TSHR: variants seen among roughly 807,000 people sequenced by gnomAD.
TSHR encodes the protein thyrotropin receptor.
A neutral mutation model predicts 64.1 loss-of-function variants in TSHR; 51 were observed. The observed-to-expected ratio is 0.80, with a 90% CI of 0.64 to 1.01. The LOEUF is 1.01. Among genes scored for constraint, TSHR ranks in the 50% least tolerant of loss-of-function variants. TSHR has a pLI of 0.00. For synonymous variants in TSHR, 361 were observed against 361.9 expected (o/e 1.00, Z 0.03); for missense variants, 877 against 942.8 (o/e 0.93, Z 0.91).
At chr14:81,110,390 C>T (rs922432862) in intron 8 of TSHR, among the ~76,000 whole-genome samples, 3 of 152,134 alleles carry the variant, frequency 2.0e-5, no homozygotes, top group Non-Finnish European at 2.9e-5. Context: ...CAGGGATGGG[C>T]GCTCACAGAG....
Position 81,038,265 on chromosome 14 carries a change from A to T in TSHR, c.171-23883A>T, listed in dbSNP as rs114259234. Among the ~76,000 whole-genome samples, 1,390 of 152,176 alleles carry T rather than the reference A, an allele frequency of 9.1e-3. 25 individuals carry two copies. The highest frequency in any genetic ancestry group is 0.032 in the African/African-American group (1,330 of 41,562). On this transcript the variant is annotated intron_variant, in intron 1 of 9. Transcript: ENST00000298171. Reference sequence around the variant, plus strand: ...GCCAATCAAAATATTTAAAATGAAAATTTAAAATTTCTTGAAACAAATGAA... The same window carrying T: ...GCCAATCAAAATATTTAAAATGAAATTTTAAAATTTCTTGAAACAAATGAA...
rs868408870 is a variant in TSHR at position 81,001,516 on chromosome 14, T to C, written c.170+45666T>C. ...AGTTCGGCATTTCTCTCAGCATTTATAAACATGTGCAGCAAAAATTCAGCA... is the reference window on the plus strand; with the variant it reads ...AGTTCGGCATTTCTCTCAGCATTTACAAACATGTGCAGCAAAAATTCAGCA... On this transcript the variant is annotated intron_variant, in intron 1 of 9. Coordinates refer to ENST00000298171, the MANE Select transcript of TSHR (RefSeq NM_000369.5). The C allele has an allele frequency of 3.3e-4, 171 of 519,872 alleles. 1 individual carries two copies. Among genetic ancestry groups the C allele is most frequent in the African/African-American group, 3.2e-3 (161 of 50,966 alleles). 32.2% of individuals were successfully genotyped at this position (519,872 alleles called of 1,614,324 possible).
chr14:81,134,528 T>C (rs753047091), intron 8 of TSHR, among the ~76,000 whole-genome samples: 1 of 152,168 alleles, frequency 6.6e-6, no homozygotes, highest in African/African-American at 2.4e-5. Context: ...GAGTCTTCTG[T>C]TGGCTAAACA....
chr14:81,053,898 C>G (rs1397460234), intron 1 of TSHR: 1 of 152,108 alleles, frequency 6.6e-6, no homozygotes, highest in African/African-American at 2.4e-5. Flanking sequence ...AGATTTGTCT[C>G]AGAAACATTA....
chr14:81,039,833 G>T (rs2139842415), intron 1 of TSHR, among the ~76,000 whole-genome samples: 1 of 151,864 alleles, frequency 6.6e-6, no homozygotes, highest in South Asian at 2.1e-4. Flanking sequence ...ACAAGTAAAT[G>T]GATAAAGATA....
rs372352603 is a variant in TSHR at position 80,961,266 on chromosome 14, G to A, written c.170+5416G>A. On this transcript the variant is annotated intron_variant, in intron 1 of 9. Transcript: ENST00000298171. ...ACTTAATGGAGAACACCACCAACAC[G>A]TCCCTGTCTGCAGGGATCTTACAGT... Among the ~76,000 whole-genome samples the A allele has an allele frequency of 2.8e-4, 29 of 103,396 alleles. No homozygotes were observed. The East Asian group carries it at 0.013, about 46-fold the overall frequency. 67.8% of individuals were successfully genotyped at this position (103,396 alleles called of 152,430 possible).
intron 1 of TSHR, among the ~76,000 whole-genome samples, chr14:81,017,510 C>G (rs1883478889): frequency 6.6e-6 from 1 of 152,110 alleles, no homozygotes; most frequent in South Asian, 2.1e-4. Context: ...TCTTATTTCT[C>G]AAAACGTGGC....
rs552006640 is a variant in TSHR at position 81,121,717 on chromosome 14, G to A, written c.692+13265G>A. Reference sequence around the variant, plus strand: ...AGCACTCTGGAAGACAGAAGCAGGCGGATCACTTGAGGTCGGGAGTTTGAG... The same window carrying A: ...AGCACTCTGGAAGACAGAAGCAGGCAGATCACTTGAGGTCGGGAGTTTGAG... On this transcript the variant is annotated intron_variant, in intron 8 of 9. Coordinates refer to ENST00000298171, the MANE Select transcript of TSHR (RefSeq NM_000369.5). Among the ~76,000 whole-genome samples the A allele has an allele frequency of 5.3e-5, 8 of 152,194 alleles. No individual in the cohort carries two copies. The South Asian group carries it at 6.2e-4, about 12-fold the overall frequency.
At chr14:80,996,570 C>T (rs992952678) in intron 1 of TSHR, among the ~76,000 whole-genome samples, 1 of 140,294 alleles carries the variant, frequency 7.1e-6, no homozygotes, top group Non-Finnish European at 1.5e-5. Context: ...GGACGAAGAA[C>T]TCCCGCACAT....
chr14:81,060,462 T>C (rs1001495930), intron 1 of TSHR, among the ~76,000 whole-genome samples: 4 of 152,248 alleles, frequency 2.6e-5, no homozygotes, highest in South Asian at 2.1e-4. Context: ...TAAGGCAACA[T>C]TGGGCTTCAT....
rs371995669 is a variant in TSHR, at chr14:81,143,314, T to C, written c.1256T>C (p.Ile419Thr). The C allele has an allele frequency of 6.2e-7, 1 of 1,614,196 alleles. No homozygotes were observed. The highest frequency in any genetic ancestry group is 1.1e-5 in the South Asian group (1 of 91,074). The change falls in exon 10 of 10, where the codon ATT becomes ACT. Residue 419 changes from isoleucine (I) to threonine (T), a missense_variant. Physicochemically the swap from Ile to Thr is moderately conservative, Grantham distance 89. Coordinates refer to ENST00000298171, the MANE Select transcript of TSHR (RefSeq NM_000369.5). ...EDIMGYKFLRIVVWFVSLLAL... is the reference protein window; with the variant it reads ...EDIMGYKFLRTVVWFVSLLAL... ...ATAATGGGCTACAAGTTCCTGAGAA[T>C]TGTGGTGTGGTTCGTTAGTCTGCTG...
intron 7 of TSHR, among the ~76,000 whole-genome samples, chr14:81,100,272 G>A (rs1889491116): frequency 6.6e-6 from 1 of 152,126 alleles, no homozygotes; most frequent in African/African-American, 2.4e-5. Flanking sequence ...AGTTTGCAGA[G>A]CTTCTCAAGC....
chr14:80,993,046 G>A (rs1888824564), intron 1 of TSHR: 1 of 152,144 alleles, frequency 6.6e-6, no homozygotes, highest in African/African-American at 2.4e-5. Flanking sequence ...ACCAAAACGA[G>A]TTAAAAGAGC....
At chr14:80,973,125 G>T (rs563800178) in intron 1 of TSHR, among the ~76,000 whole-genome samples, 28 of 152,166 alleles carry the variant, frequency 1.8e-4, no homozygotes, top group South Asian at 6.2e-4. Flanking sequence ...TGCGTACTTG[G>T]CCGGGCGCGG....
At chr14:81,067,483 T>TATATATATA (rs10528933) in intron 2 of TSHR, among the ~76,000 whole-genome samples, 55 of 134,966 alleles carry the variant, frequency 4.1e-4, no homozygotes, top group African/African-American at 1.5e-3. Flanking sequence ...GTTTATAGTT[T>TATATATATA]TATATATATA....
intron 2 of TSHR, among the ~76,000 whole-genome samples, chr14:81,063,771 T>C (rs768480010): frequency 6.6e-6 from 1 of 151,996 alleles, no homozygotes; most frequent in Admixed American, 6.6e-5. Flanking sequence ...AGTATCATGA[T>C]GGGGTCAGTT....
rs1014969321 is a variant in TSHR at position 81,142,943 on chromosome 14, C to T, written c.885C>T (p.Ile295=). 9.9e-6 allele frequency: 16 copies of T among 1,614,066 alleles called. No individual in the cohort carries two copies. Among genetic ancestry groups the T allele is most frequent in the Admixed American group, 3.3e-5 (2 of 60,030 alleles). Residue 295 remains isoleucine (I), a synonymous_variant, in exon 10 of 10, where the codon ATC becomes ATT. Coordinates refer to ENST00000298171, the MANE Select transcript of TSHR (RefSeq NM_000369.5). ...ACTCTTTTCTGTTGCCTTGCAGAATCCTTGAGTCCTTGATGTGTAATGAGA... is the reference window on the plus strand; with the variant it reads ...ACTCTTTTCTGTTGCCTTGCAGAATTCTTGAGTCCTTGATGTGTAATGAGA... ...AFKNQKKIRG[I]LESLMCNESS...
chr14:81,129,357 C>T (rs932477091), intron 8 of TSHR, among the ~76,000 whole-genome samples: 5 of 152,216 alleles, frequency 3.3e-5, no homozygotes, highest in Non-Finnish European at 7.3e-5. Context: ...CATGTTCTGT[C>T]ATTATAAACA....
In TSHR at chr14:81,047,664, CT is replaced by C. The variant is rs11462189; in HGVS notation, c.171-14467del. Among the ~76,000 whole-genome samples the C allele has an allele frequency of 1.3e-3, 180 of 135,464 alleles. 1 individual carries two copies. The highest frequency in any genetic ancestry group is 0.01 in the East Asian group (47 of 4,610). 88.9% of individuals were successfully genotyped at this position (135,464 alleles called of 152,430 possible). A position where few individuals can be genotyped will look rare whatever the true frequency, so the allele number is the denominator to read the frequency against. ...GATGACACATGTTTGTTCATTGGCT[CT>C]TTTTTTTTTTTTTTTTGAGACAGTC... On this transcript the variant is annotated intron_variant, in intron 1 of 9. Transcript: ENST00000298171.
Sources: allele counts gnomAD v4.1 joint callset (sites outside exome capture counted in the v4.1 genomes callset), GRCh38; gene constraint gnomAD v4.1.1; transcripts MANE v1.5; gene names NCBI Gene and HGNC (gene_info 2026-07-23, HGNC 2026-07-21).